Variants in PITPNM2 observed in about 807,000 individuals in gnomAD.
PITPNM2 encodes the protein phosphatidylinositol transfer protein membrane associated 2, also known as membrane-associated phosphatidylinositol transfer protein 2.
A neutral mutation model predicts 132.2 loss-of-function variants in PITPNM2; 35 were observed. That is an observed-to-expected ratio of 0.26 (90% CI 0.20 to 0.35). The LOEUF is 0.35. Ranked by LOEUF, PITPNM2 falls within the 10% of genes least tolerant of loss-of-function variation. The probability of loss-of-function intolerance (pLI) is 1.00; values close to 1 mark genes in which losing one functional copy is unlikely to be tolerated. For missense variants in PITPNM2, 1,332 were observed against 1,912.0 expected (o/e 0.70, Z 5.66); for synonymous variants, 738 against 799.2 (o/e 0.92, Z 1.29).
chr12:123,060,102 G>A (rs1421568624), intron 2 of PITPNM2, among the ~76,000 whole-genome samples: 2 of 152,048 alleles, frequency 1.3e-5, no homozygotes, highest in African/African-American at 4.8e-5. Context: ...CAACCCCCAG[G>A]CCCCAAGGGC....
chr12:123,129,474 G>A (rs1353521103), intron 1 of PITPNM2, among the ~76,000 whole-genome samples: 1 of 151,764 alleles, frequency 6.6e-6, no homozygotes, highest in African/African-American at 2.4e-5. Context: ...GGAGGCTGAG[G>A]CAGAAGAATG....
At position 123,023,402 on chromosome 12, in the gene PITPNM2, C is replaced by CA. The variant is rs750075952; in HGVS notation, c.79-9361dup. On this transcript the variant is annotated intron_variant, in intron 3 of 25. Coordinates refer to ENST00000320201, the MANE Select transcript of PITPNM2 (RefSeq NM_020845.3). The surrounding 1 kb of genome is among the most constrained non-coding windows in gnomAD (Gnocchi z 4.8). ...TGACCAGAGCCATCTCTAGAGAAGGCAAAAAATGGAACCAGGAGGACACTT... is the reference window on the plus strand; with the variant it reads ...TGACCAGAGCCATCTCTAGAGAAGGCAAAAAAATGGAACCAGGAGGACACTT... Among the ~76,000 whole-genome samples the CA allele has an allele frequency of 6.6e-6, 1 of 152,030 alleles. No individual in the cohort carries two copies.
At chr12:123,033,491 G>C (rs2040162660) in intron 3 of PITPNM2, among the ~76,000 whole-genome samples, 1 of 152,232 alleles carries the variant, frequency 6.6e-6, no homozygotes, top group Admixed American at 6.5e-5. Flanking sequence ...TCCTAAGCAA[G>C]AGTCTCTGGC....
chr12:123,132,638 C>G (rs1327226293), intron 1 of PITPNM2, among the ~76,000 whole-genome samples: 2 of 151,926 alleles, frequency 1.3e-5, no homozygotes, highest in Non-Finnish European at 2.9e-5. Flanking sequence ...TTCATTATCC[C>G]AACCAGAAGC....
chr12:123,106,995 T>G lies in PITPNM2; in HGVS notation c.-96+3390A>C, dbSNP rs2042731337. Among the ~76,000 whole-genome samples the G allele has an allele frequency of 6.6e-6, 1 of 151,934 alleles. No homozygotes were observed. ...TGCTGCTGCTACGGATGGAGATAAG[T>G]CCCTTCTTCACCTGGGATGGGACTT... On this transcript the variant is annotated intron_variant, in intron 2 of 25. Transcript: ENST00000320201. The surrounding 1 kb of genome is among the most constrained non-coding windows in gnomAD (Gnocchi z 4.4).
chr12:122,988,976 C>G (rs1249028499), intron 18 of PITPNM2, 104 bp from the exon 19 acceptor site: 6 of 1,278,266 alleles, frequency 4.7e-6, no homozygotes, highest in African/African-American at 4.5e-5. Flanking sequence ...ACAGTCCCCC[C>G]ACCAGCTATA....
At chr12:123,080,112 C>A (rs1485723273) in intron 2 of PITPNM2, among the ~76,000 whole-genome samples, 1 of 152,202 alleles carries the variant, frequency 6.6e-6, no homozygotes, top group African/African-American at 2.4e-5. Flanking sequence ...CCTTCATTCT[C>A]TTTTATGATT....
intron 14 of PITPNM2, 96 bp from the exon 15 acceptor site, chr12:122,995,075 G>A (rs1004235623): frequency 7.5e-7 from 1 of 1,338,272 alleles, no homozygotes; most frequent in Non-Finnish European, 1.0e-6. Flanking sequence ...CTCTCTCGGG[G>A]GCCCACTGGC....
In PITPNM2 at chr12:122,994,587, G is replaced by A. The variant is rs933714876; in HGVS notation, c.2233+214C>T. Among the ~76,000 whole-genome samples, 1 of 152,178 alleles carries A rather than the reference G, an allele frequency of 6.6e-6. No homozygotes were observed. The highest frequency in any genetic ancestry group is 2.4e-5 in the African/African-American group (1 of 41,430). ...ACCCTCAGCATCCACAGGCACCCCG[G>A]AGATGAAATGAAACAGCAGGTGTCA... On this transcript the variant is annotated intron_variant, in intron 15 of 25. Transcript: ENST00000320201. This position sits in a 1 kb window ranked among gnomAD's most constrained non-coding sequence, Gnocchi z 5.4.
In PITPNM2 at chr12:122,996,921, G is replaced by C. The variant is rs1436520432; in HGVS notation, c.1473-11C>G. The C allele has an allele frequency of 1.9e-6, 3 of 1,561,130 alleles. No homozygotes were observed. The highest frequency in any genetic ancestry group is 2.6e-6 in the Non-Finnish European group (3 of 1,161,088). On this transcript the variant is annotated splice_polypyrimidine_tract_variant and intron_variant, in intron 11 of 25. Transcript: ENST00000320201. The stretch of plus-strand genomic sequence containing the variant: ...CTGTAGGGGCTGAGGCTGGGGAGAG[G>C]GGCCAGTCAAGAGAGGGCAGGCGGC...
rs11610316 is a variant in PITPNM2 at position 123,016,092 on chromosome 12, G to A, written c.79-2050C>T. Among the ~76,000 whole-genome samples, 653 of 152,216 alleles carry A rather than the reference G, an allele frequency of 4.3e-3. 3 individuals are homozygous for A. The highest frequency in any genetic ancestry group is 6.8e-3 in the Middle Eastern group (2 of 294). ...TGTAATCCCAGCCATTTGGGAGGCC[G>A]AGGCAGGCAGATCACTTGAGGCCAG... is the stretch of plus-strand genomic sequence containing the variant. On this transcript the variant is annotated intron_variant, in intron 3 of 25. Transcript: ENST00000320201.
In PITPNM2 at chr12:122,997,415, C is replaced by T. The variant is rs200180376; in HGVS notation, c.1382G>A (p.Arg461His). 6.4e-5 allele frequency: 104 copies of T among 1,613,380 alleles called. No individual in the cohort carries two copies. Among genetic ancestry groups the T allele is most frequent in the Non-Finnish European group, 8.1e-5 (95 of 1,180,008 alleles). Residue 461 changes from arginine to histidine, a missense_variant, in exon 11 of 26, where the codon CGC becomes CAC. Physicochemically the swap from Arg to His is conservative, Grantham distance 29 (BLOSUM62 0). Coordinates refer to ENST00000320201, the MANE Select transcript of PITPNM2 (RefSeq NM_020845.3). ...TIANVFDTVMRVHYPSALGRL... is the reference protein window; with the variant it reads ...TIANVFDTVMHVHYPSALGRL... ...GCCCAGGGCGCTGGGGTAGTGCACG[C>T]GCATGACGGTGTCGAACACGTTGGC...
At chr12:123,142,442 C>T (rs1266517420) in intron 1 of PITPNM2, among the ~76,000 whole-genome samples, 3 of 152,152 alleles carry the variant, frequency 2.0e-5, no homozygotes, top group Non-Finnish European at 4.4e-5. Flanking sequence ...CAACTGATGG[C>T]GAAATAGGTG....
chr12:123,117,168 C>T lies in PITPNM2; in HGVS notation c.-199-6680G>A, dbSNP rs2042949705. On this transcript the variant is annotated intron_variant, in intron 1 of 25. Coordinates refer to ENST00000320201, the MANE Select transcript of PITPNM2 (RefSeq NM_020845.3). The surrounding 1 kb of genome is among the most constrained non-coding windows in gnomAD (Gnocchi z 4.7). ...TGAGAGTTGCTGAGAGACGTTAGTG[C>T]TTAAATGAGTCTTAGGAAGAGAGTA... Among the ~76,000 whole-genome samples, 1 of 152,142 alleles carries T rather than the reference C, an allele frequency of 6.6e-6. No individual in the cohort carries two copies. Among genetic ancestry groups the T allele is most frequent in the African/African-American group, 2.4e-5 (1 of 41,424 alleles).
At chr12:123,096,168 C>G (rs2042405371) in intron 2 of PITPNM2, among the ~76,000 whole-genome samples, 1 of 152,252 alleles carries the variant, frequency 6.6e-6, no homozygotes, top group Non-Finnish European at 1.5e-5. Context: ...GGACAGACCC[C>G]TCCTTTGAGG....
rs570532064 is a variant in PITPNM2 at position 123,097,876 on chromosome 12, G to A, written c.-96+12509C>T. 1.2e-4 allele frequency among the ~76,000 whole-genome samples: 19 copies of A among 152,204 alleles called. No homozygotes were observed. Among genetic ancestry groups the A allele is most frequent in the Admixed American group, 3.9e-4 (6 of 15,286 alleles). ...AACAGCTGGACAGAGCTCGGAAAGC[G>A]GCTGCAGCCAGATGGGAACAACATA... On this transcript the variant is annotated intron_variant, in intron 2 of 25. Coordinates refer to ENST00000320201, the MANE Select transcript of PITPNM2 (RefSeq NM_020845.3). This position sits in a 1 kb window ranked among gnomAD's most constrained non-coding sequence, Gnocchi z 4.7.
intron 2 of PITPNM2, among the ~76,000 whole-genome samples, chr12:123,080,896 G>A (rs2041941923): frequency 6.6e-6 from 1 of 152,254 alleles, no homozygotes; most frequent in South Asian, 2.1e-4. Flanking sequence ...TTACACACCT[G>A]CACTATCCAG....
rs369661080 is a variant in PITPNM2, at chr12:123,116,621, C to T, written c.-199-6133G>A. ...CCATGATTATGTCACTGCACTCTAGCCTGGTGACAGGGCAAGACCTTGTTT... is the reference window on the plus strand; with the variant it reads ...CCATGATTATGTCACTGCACTCTAGTCTGGTGACAGGGCAAGACCTTGTTT... On this transcript the variant is annotated intron_variant, in intron 1 of 25. Transcript: ENST00000320201. 2.4e-4 allele frequency among the ~76,000 whole-genome samples: 36 copies of T among 147,216 alleles called. No homozygotes were observed. The East Asian group carries it at 5.8e-3, about 24-fold the overall frequency.
chr12:123,038,187 G>A (rs2040342304), intron 2 of PITPNM2, among the ~76,000 whole-genome samples: 1 of 152,242 alleles, frequency 6.6e-6, no homozygotes, highest in South Asian at 2.1e-4. Context: ...CTGCCCACAA[G>A]GAACTAAAGA....
Sources: gnomAD v4.1 joint callset for allele counts (sites outside exome capture counted in the v4.1 genomes callset) on GRCh38, gnomAD v4.1.1 for gene constraint, Gnocchi (gnomAD v3.1) non-coding constraint, MANE v1.5 for transcripts, NCBI Gene and HGNC (gene_info 2026-07-23, HGNC 2026-07-21) for gene names.